PDE1C: variants seen among roughly 807,000 people sequenced by gnomAD.
PDE1C encodes the protein phosphodiesterase 1C, also known as dual specificity calcium/calmodulin-dependent 3',5'-cyclic nucleotide phosphodiesterase 1C.
A neutral mutation model predicts 93.1 loss-of-function variants in PDE1C; 62 were observed. The ratio of observed to expected loss-of-function variants is 0.67; its 90% confidence interval spans 0.54 to 0.82. The LOEUF (loss-of-function observed/expected upper bound fraction) is 0.82, where lower values mean the gene tolerates loss of function less well. Ranked by LOEUF, PDE1C falls within the 40% of genes least tolerant of loss-of-function variation. PDE1C has a pLI of 0.00. For missense variants in PDE1C, 742 were observed against 884.6 expected, an observed-to-expected ratio of 0.84 and a Z score of 2.04; for synonymous variants, 325 against 310.1, an observed-to-expected ratio of 1.05 and a Z score of -0.50.
chr7:32,420,122 T>C (rs1042893607), intron 1 of PDE1C, among the ~76,000 whole-genome samples: 205 of 19,498 alleles, frequency 0.011, 11 homozygotes, highest in African/African-American at 0.023. Flanking sequence ...TATATATATA[T>C]ATACACACAC....
At chr7:31,805,503 G>A (rs1161382696) in intron 16 of PDE1C, among the ~76,000 whole-genome samples, 1 of 151,370 alleles carries the variant, frequency 6.6e-6, no homozygotes, top group African/African-American at 2.4e-5. Flanking sequence ...GTTAACTAAA[G>A]CCATCTTGGT....
intron 3 of PDE1C, among the ~76,000 whole-genome samples, chr7:32,139,130 G>A (rs1433268109): frequency 6.6e-6 from 1 of 151,790 alleles, no homozygotes; most frequent in Non-Finnish European, 1.5e-5. Flanking sequence ...TTGAAAAGAG[G>A]GAGTAATCAA....
chr7:31,643,854 C>T, the PDE1C span: 1 of 1,613,954 alleles, frequency 6.2e-7, no homozygotes, highest in Admixed American at 1.7e-5. Flanking sequence ...AACCCTCAGT[C>T]TGTAGGCACT....
At chr7:32,329,951 G>A (rs182179694) in intron 1 of PDE1C, among the ~76,000 whole-genome samples, 1 of 152,320 alleles carries the variant, frequency 6.6e-6, no homozygotes, top group African/African-American at 2.4e-5. Context: ...TGTTGCCTTT[G>A]TCTCCCCATC....
chr7:31,886,177 A>G (rs373709963), intron 2 of PDE1C, among the ~76,000 whole-genome samples: 61 of 152,342 alleles, frequency 4.0e-4, no homozygotes, highest in African/African-American at 1.5e-3. Context: ...ACTTCATTTC[A>G]GTTCATCACA....
chr7:32,138,458 C>T (rs1037647086), intron 3 of PDE1C, among the ~76,000 whole-genome samples: 1 of 152,118 alleles, frequency 6.6e-6, no homozygotes, highest in African/African-American at 2.4e-5. Context: ...CAAACCTTCA[C>T]CCAAGACACT....
At chr7:32,089,359 G>A (rs1286009687) in intron 3 of PDE1C, among the ~76,000 whole-genome samples, 1 of 152,036 alleles carries the variant, frequency 6.6e-6, no homozygotes, top group African/African-American at 2.4e-5. Flanking sequence ...AGAACCCTGG[G>A]GCCTCTCAGA....
the PDE1C span, among the ~76,000 whole-genome samples, chr7:31,727,355 T>C: frequency 6.6e-6 from 1 of 152,216 alleles, no homozygotes. Context: ...TGCATCTTCA[T>C]TCTCCTTTTT....
intron 7 of PDE1C, among the ~76,000 whole-genome samples, chr7:31,858,470 C>T (rs1794287319): frequency 6.6e-6 from 1 of 152,046 alleles, no homozygotes; most frequent in Non-Finnish European, 1.5e-5. Context: ...TGAAAAAAAG[C>T]AGATATTATT....
intron 5 of PDE1C, among the ~76,000 whole-genome samples, chr7:31,877,534 T>C (rs1796739654): frequency 6.6e-6 from 1 of 151,782 alleles, no homozygotes; most frequent in Non-Finnish European, 1.5e-5. Flanking sequence ...TCTAATTAAC[T>C]CTTTTTTTTT....
Position 31,878,004 on chromosome 7 carries a change from A to C in PDE1C, c.458T>G (p.Leu153Arg). Residue 153 changes from leucine (L) to arginine (R), a missense_variant, in exon 5 of 18, where the codon CTG (leucine) becomes CGG (arginine). By Grantham distance (102) the Leu-to-Arg change is moderately radical. This residue lies in a region of PDE1C where 205 missense variants were observed against 295.3 expected (regional missense o/e 0.69). Coordinates refer to ENST00000396191, the MANE Select transcript of PDE1C (RefSeq NM_001191057.4). Reference sequence around the variant, plus strand: ...CTCAATAACAGCTGGTGGATAGCTCAGTCCAACCATGTTTGATGTCCGTCT... The same window carrying C: ...CTCAATAACAGCTGGTGGATAGCTCCGTCCAACCATGTTTGATGTCCGTCT... Reference protein sequence around the residue: ...MYRRTSNMVGLSYPPAVIEAL... With the variant: ...MYRRTSNMVGRSYPPAVIEAL... 6.2e-7 allele frequency: 1 copy of C among 1,613,202 alleles called. No individual in the cohort carries two copies. The highest frequency in any genetic ancestry group is 8.5e-7 in the Non-Finnish European group (1 of 1,179,494).
the PDE1C span, among the ~76,000 whole-genome samples, chr7:31,674,640 A>G: frequency 1.3e-5 from 2 of 152,236 alleles, no homozygotes; most frequent in Non-Finnish European, 2.9e-5. Context: ...AACTTTACTT[A>G]TAACAGAAAG....
chr7:31,643,899 G>T, the PDE1C span: 22 of 1,613,754 alleles, frequency 1.4e-5, no homozygotes, highest in Non-Finnish European at 1.9e-5. Flanking sequence ...AGGAAGCCCA[G>T]TTCATGACGA....
chr7:31,789,042 T>C (rs922105526), intron 16 of PDE1C: 1 of 152,198 alleles, frequency 6.6e-6, no homozygotes, highest in South Asian at 2.1e-4. Flanking sequence ...TGCCTAGCTC[T>C]CTTTCTATTA....
chr7:31,657,082 A>G, the PDE1C span, among the ~76,000 whole-genome samples: 1 of 144,656 alleles, frequency 6.9e-6, no homozygotes, highest in Non-Finnish European at 1.5e-5. Context: ...TATCATATAT[A>G]TTTTATATAT....
chr7:31,871,307 G>T (rs1376444681), intron 6 of PDE1C, among the ~76,000 whole-genome samples: 1 of 151,800 alleles, frequency 6.6e-6, no homozygotes, highest in African/African-American at 2.4e-5. Context: ...AATTGGTCTA[G>T]GCAAAGATTT....
chr7:32,332,868 T>C (rs763547725), intron 1 of PDE1C, among the ~76,000 whole-genome samples: 5 of 152,186 alleles, frequency 3.3e-5, no homozygotes, highest in Non-Finnish European at 7.4e-5. Context: ...AGGAGAGTTA[T>C]ACTTTTAGGG....
intron 2 of PDE1C, among the ~76,000 whole-genome samples, chr7:31,924,393 T>C (rs538784966): frequency 2.0e-5 from 3 of 152,332 alleles, no homozygotes; most frequent in Admixed American, 2.0e-4. Context: ...CAAAGCTGAG[T>C]AGAAGATTCC....
downstream of PDE1C, among the ~76,000 whole-genome samples, chr7:31,749,033 C>T (rs1794064496): frequency 1.3e-5 from 2 of 152,086 alleles, no homozygotes; most frequent in South Asian, 4.1e-4. Context: ...GGCTATCAAC[C>T]ATCTCTACCT....
Sources: gnomAD v4.1 joint callset for allele counts (sites outside exome capture counted in the v4.1 genomes callset) on GRCh38, gnomAD v4.1.1 for gene constraint, gnomAD v4.1.1 regional missense constraint, MANE v1.5 for transcripts, NCBI Gene and HGNC (gene_info 2026-07-23, HGNC 2026-07-21) for gene names.